Variants in HIVEP3 observed in about 807,000 individuals in gnomAD.
HIVEP3 encodes the protein HIVEP zinc finger 3.
A neutral mutation model predicts 152.8 loss-of-function variants in HIVEP3; 49 were observed. That is an observed-to-expected ratio of 0.32 (90% confidence interval 0.26 to 0.41). HIVEP3 has a LOEUF of 0.41. Ranked by LOEUF, HIVEP3 falls within the 10% of genes least tolerant of loss-of-function variation. HIVEP3 has a pLI of 1.00. For missense variants in HIVEP3, 2,790 were observed against 3,103.3 expected (o/e 0.90, Z 2.40); for synonymous variants, 1,269 against 1,289.0 (o/e 0.98, Z 0.33).
intron 2 of HIVEP3, among the ~76,000 whole-genome samples, chr1:41,632,488 C>A (rs2149151710): frequency 6.6e-6 from 1 of 152,314 alleles, no homozygotes; most frequent in South Asian, 2.1e-4. Flanking sequence ...CCTGTCAAGG[C>A]CTCCCAAAGT....
At chr1:41,754,889 G>A (rs75054364) in intron 1 of HIVEP3, among the ~76,000 whole-genome samples, 3,127 of 152,150 alleles carry the variant, frequency 0.021, 93 homozygotes, top group African/African-American at 0.069. Context: ...GGAAACAAGC[G>A]CCCCTACACT....
chr1:41,899,249 T>C (rs2124451166), intron 1 of HIVEP3, among the ~76,000 whole-genome samples: 1 of 152,310 alleles, frequency 6.6e-6, no homozygotes, highest in South Asian at 2.1e-4. Flanking sequence ...TCTGATGTGG[T>C]TTATGCATCT....
chr1:41,630,989 A>G (rs902839360), intron 2 of HIVEP3, among the ~76,000 whole-genome samples: 2 of 152,256 alleles, frequency 1.3e-5, no homozygotes, highest in African/African-American at 4.8e-5. Flanking sequence ...GCAGGAGCTC[A>G]ACAGTGATTC....
intron 2 of HIVEP3, among the ~76,000 whole-genome samples, chr1:41,666,570 A>C (rs569654925): frequency 1.3e-5 from 2 of 152,284 alleles, no homozygotes; most frequent in South Asian, 4.1e-4. Flanking sequence ...GTCCTCCCAT[A>C]TGGTGACTCA....
intron 2 of HIVEP3, among the ~76,000 whole-genome samples, chr1:41,660,861 C>G (rs1439198107): frequency 6.6e-6 from 1 of 152,186 alleles, no homozygotes; most frequent in African/African-American, 2.4e-5. Flanking sequence ...AACAGGGAAA[C>G]CTTTACTGGT....
At chr1:42,012,588 G>A (rs1425408818) in intron 1 of HIVEP3, among the ~76,000 whole-genome samples, 1 of 152,186 alleles carries the variant, frequency 6.6e-6, no homozygotes, top group South Asian at 2.1e-4. Context: ...TACTTGGAAG[G>A]CTGAGACAAG....
In HIVEP3 at chr1:41,562,582, C is replaced by CT. The variant is rs1644086085; in HGVS notation, c.5207+12961_5207+12962insA. ...CTTTCCTTCTTTCCTTCTTTTCCTT[C>CT]CTTCCTTCCTTCCTTTCTTTCTCTC... On this transcript the variant is annotated intron_variant, in intron 5 of 8. Transcript: ENST00000372583. Among the ~76,000 whole-genome samples, 6 of 99,960 alleles carry CT rather than the reference C, an allele frequency of 6.0e-5. No homozygotes were observed. In the South Asian group the frequency reaches 2.4e-3, roughly 39 times the overall value. 65.6% of individuals were successfully genotyped at this position (99,960 alleles called of 152,430 possible).
intron 1 of HIVEP3, among the ~76,000 whole-genome samples, chr1:41,822,166 C>T (rs2124343541): frequency 6.6e-6 from 1 of 152,248 alleles, no homozygotes; most frequent in Non-Finnish European, 1.5e-5. Context: ...GTCTGTGTGG[C>T]CACTCTCTCT....
At chr1:41,719,039 C>T (rs1010241933) in intron 1 of HIVEP3, among the ~76,000 whole-genome samples, 2 of 152,166 alleles carry the variant, frequency 1.3e-5, no homozygotes, top group South Asian at 2.1e-4. Flanking sequence ...ACAAGAAGCA[C>T]ATTCTTAATA....
chr1:41,561,869 TTTCTCTC>T (rs1452434854), intron 5 of HIVEP3, among the ~76,000 whole-genome samples: 1 of 141,494 alleles, frequency 7.1e-6, no homozygotes, highest in Non-Finnish European at 1.6e-5. Context: ...GGTGCAGACT[TTTCTCTC>T]TTCTATGATG....
chr1:41,912,911 T>C (rs1055653760), intron 1 of HIVEP3, among the ~76,000 whole-genome samples: 2 of 152,220 alleles, frequency 1.3e-5, no homozygotes, highest in Admixed American at 6.5e-5. Context: ...CAGATGCTTG[T>C]AGATTCAACA....
Position 41,993,850 on chromosome 1 carries a change from G to A in HIVEP3, n.119+41957C>T, listed in dbSNP as rs563413773. Among the ~76,000 whole-genome samples the A allele has an allele frequency of 2.6e-5, 4 of 151,964 alleles. 1 individual carries two copies. Among genetic ancestry groups the A allele is most frequent in the Admixed American group, 2.6e-4 (4 of 15,252 alleles). On this transcript the variant is annotated intron_variant and non_coding_transcript_variant, in intron 1 of 3. Transcript: ENST00000489103. The stretch of plus-strand genomic sequence containing the variant: ...AAATGATGAGTTCATTTCCTTTGTA[G>A]GGACATGGATGAAATTGGAAATCAT...
intron 1 of HIVEP3, among the ~76,000 whole-genome samples, chr1:41,774,978 T>C (rs1312659507): frequency 6.6e-6 from 1 of 151,992 alleles, no homozygotes; most frequent in East Asian, 1.9e-4. Flanking sequence ...TCTTTTTGTA[T>C]TTTTTGTTGA....
chr1:41,820,478 T>C (rs889089330), intron 1 of HIVEP3, among the ~76,000 whole-genome samples: 1 of 152,348 alleles, frequency 6.6e-6, no homozygotes, highest in African/African-American at 2.4e-5. Context: ...CTTTTAACTC[T>C]GAAAAGAGTC....
intron 2 of HIVEP3, among the ~76,000 whole-genome samples, chr1:41,631,967 A>G (rs1470933695): frequency 1.3e-5 from 2 of 152,108 alleles, no homozygotes; most frequent in East Asian, 1.9e-4. Context: ...TCCCTCTGCA[A>G]TCGTGCCCAC....
At position 41,585,036 on chromosome 1, in the gene HIVEP3, A is replaced by C. The variant is rs756477631; in HGVS notation, c.-239T>G. 1.5e-5 allele frequency: 6 copies of C among 403,442 alleles called. No homozygotes were observed. The highest frequency in any genetic ancestry group is 2.2e-5 in the Non-Finnish European group (5 of 229,520). The allele number at this position is 403,442 out of a possible 1,614,324, so 25.0% of individuals were successfully genotyped here. On this transcript the variant is annotated 5_prime_UTR_variant, in exon 4 of 9. Coordinates refer to ENST00000372583, the MANE Select transcript of HIVEP3 (RefSeq NM_024503.5). Reference sequence around the variant, plus strand: ...TGAGGCATGGCCCTCTACTTTGCAGACAGAAAACGCACCAGCACTTTCTGC... The same window carrying C: ...TGAGGCATGGCCCTCTACTTTGCAGCCAGAAAACGCACCAGCACTTTCTGC...
intron 1 of HIVEP3, among the ~76,000 whole-genome samples, chr1:41,764,086 C>T (rs760600920): frequency 6.6e-6 from 1 of 151,194 alleles, no homozygotes; most frequent in Non-Finnish European, 1.5e-5. Flanking sequence ...ATGGGAAAAG[C>T]AGTCGGATAT....
chr1:41,655,813 C>T (rs762574188), intron 2 of HIVEP3, among the ~76,000 whole-genome samples: 1 of 152,056 alleles, frequency 6.6e-6, no homozygotes, highest in Admixed American at 6.5e-5. Context: ...CAGTGCTGTA[C>T]CCCAGTGCCT....
intron 2 of HIVEP3, among the ~76,000 whole-genome samples, chr1:41,697,655 G>T (rs1646297374): frequency 6.6e-6 from 1 of 152,148 alleles, no homozygotes; most frequent in Non-Finnish European, 1.5e-5. Context: ...CCAGTGCTTT[G>T]GGAGGGGCAG....
Sources: gnomAD v4.1 joint callset for allele counts (sites outside exome capture counted in the v4.1 genomes callset) on GRCh38, gnomAD v4.1.1 for gene constraint, MANE v1.5 for transcripts, NCBI Gene and HGNC (gene_info 2026-07-23, HGNC 2026-07-21) for gene names.